USH1C: variants seen among roughly 807,000 people sequenced by gnomAD.
USH1C encodes the protein harmonin.
USH1C carries 90 observed loss-of-function variants against 119.3 expected under a neutral mutation model. That is an observed-to-expected ratio of 0.75 (90% CI 0.64 to 0.90). The LOEUF is 0.90. USH1C is among the 40% of genes least tolerant of loss of function. The pLI is 0.00. For missense variants in USH1C, 1,165 were observed against 1,167.7 expected (o/e 1.00, Z 0.03); for synonymous variants, 465 against 443.3 (o/e 1.05, Z -0.62).
intron 24 of USH1C, chr11:17,497,037 C>T (rs151035380): frequency 1.7e-5 from 9 of 530,156 alleles, no homozygotes; most frequent in Non-Finnish European, 2.7e-5. Context: ...CCTTGAATGA[C>T]ACTCAGCTCC....
intron 15 of USH1C, 56 bp downstream of exon 15, chr11:17,516,185 C>T: frequency 6.2e-7 from 1 of 1,603,236 alleles, no homozygotes; most frequent in African/African-American, 1.3e-5. Context: ...TTGGGAAAAG[C>T]CAAAACCCAC....
Position 17,505,850 on chromosome 11 carries a change from C to T in USH1C, c.2113G>A (p.Ala705Thr). The change falls in exon 19 of 27, where the codon GCT (alanine) becomes ACT (threonine). Residue 705 changes from alanine (A) to threonine (T), a missense_variant. Ala to Thr is a moderately conservative substitution (Grantham distance 58). Transcript: ENST00000005226. ...HQEPNFIYRP[A>T]VKSEVLPQEM... ...CTTACCAGAACTTCAGATTTCACAG[C>T]TGGCCTGTAGATGAAATTGGGCTCC... 6.2e-7 allele frequency: 1 copy of T among 1,614,154 alleles called. No homozygotes were observed.
chr11:17,511,976 G>C lies in USH1C; in HGVS notation c.1339C>G (p.Gln447Glu), dbSNP rs150152682. 3 of 1,614,068 alleles carry C rather than the reference G, an allele frequency of 1.9e-6. No homozygotes were observed. The African/African-American group carries it at 4.0e-5, about 22-fold the overall frequency. The part of the protein sequence containing the change: ...RKNKKELEFE[Q>E]KLYKEKEEML... ...TCCTCTTTCTCTTTGTAAAGCTTTT[G>C]CTCAAACTCCAGTTCTTTCTTATTC... The change falls in exon 16 of 27, where the codon CAA (glutamine) becomes GAA (glutamate). Residue 447 changes from glutamine (Q) to glutamate (E), a missense_variant. By Grantham distance (29) the Gln-to-Glu change is conservative. Coordinates refer to ENST00000005226, the MANE Select transcript of USH1C (RefSeq NM_153676.4).
intron 1 of USH1C, chr11:17,533,786 A>G: frequency 2.2e-6 from 1 of 457,678 alleles, no homozygotes. Flanking sequence ...TAGATAGCAC[A>G]TGCCACTCTC....
Position 17,494,280 on chromosome 11 carries a change from A to T in USH1C, c.*52T>A, listed in dbSNP as rs912678003. On this transcript the variant is annotated 3_prime_UTR_variant, in exon 27 of 27. Coordinates refer to ENST00000005226, the MANE Select transcript of USH1C (RefSeq NM_153676.4). Reference sequence around the variant, plus strand: ...GGTGTGTGTAGTGTGGCCTCTCTCAAGGCTGATCCGAGGCTTTGTGTTCAC... The same window carrying T: ...GGTGTGTGTAGTGTGGCCTCTCTCATGGCTGATCCGAGGCTTTGTGTTCAC... The T allele has an allele frequency of 2.5e-6, 4 of 1,587,026 alleles. No homozygotes were observed. Among genetic ancestry groups the T allele is most frequent in the African/African-American group, 1.3e-5 (1 of 74,392 alleles).
Position 17,501,493 on chromosome 11 carries a change from G to A in USH1C, c.2269C>T (p.Arg757Cys), listed in dbSNP as rs757163581. The stretch of plus-strand genomic sequence containing the variant: ...ACATGCCCAGGTACCTTCTTGATGC[G>A]TAGGAGCCGGACATCCTTCCCCATG... ...QIMGKDVRLL[R>C]IKKEGSLDLA... Residue 757 changes from arginine (R) to cysteine (C), a missense_variant, in exon 22 of 27, where the codon CGC becomes TGC. By Grantham distance (180) the Arg-to-Cys change is radical. Transcript: ENST00000005226. The A allele has an allele frequency of 4.5e-5, 73 of 1,612,958 alleles. No homozygotes were observed. Among genetic ancestry groups the A allele is most frequent in the Admixed American group, 1.0e-4 (6 of 59,876 alleles).
chr11:17,517,832 G>A (rs1458958515), intron 14 of USH1C, among the ~76,000 whole-genome samples: 1 of 152,216 alleles, frequency 6.6e-6, no homozygotes, highest in East Asian at 1.9e-4. Context: ...TTGAGGGCAA[G>A]GGGCTGCAAT....
chr11:17,497,487 C>T (rs1294258866), intron 24 of USH1C, among the ~76,000 whole-genome samples: 9 of 152,178 alleles, frequency 5.9e-5, no homozygotes, highest in African/African-American at 2.2e-4. Context: ...TAATGCAGAC[C>T]TTCAGATAAT....
Position 17,539,501 on chromosome 11 carries a change from T to C in USH1C, c.36+4771A>G, listed in dbSNP as rs1851366644. Among the ~76,000 whole-genome samples the C allele has an allele frequency of 2.6e-5, 4 of 152,238 alleles. No individual in the cohort carries two copies. In the South Asian group the frequency reaches 8.3e-4, roughly 32 times the overall value. Reference sequence around the variant, plus strand: ...TATTAATTTAATGAGTTAATAATTATGAAGAGTTCAGAACAGTGCCTGGCA... The same window carrying C: ...TATTAATTTAATGAGTTAATAATTACGAAGAGTTCAGAACAGTGCCTGGCA... On this transcript the variant is annotated intron_variant, in intron 1 of 26. Coordinates refer to ENST00000005226, the MANE Select transcript of USH1C (RefSeq NM_153676.4).
intron 18 of USH1C, among the ~76,000 whole-genome samples, chr11:17,506,675 T>TGCA (rs1849662902): frequency 6.6e-6 from 1 of 152,156 alleles, no homozygotes; most frequent in African/African-American, 2.4e-5. Context: ...CTTGAGGCCT[T>TGCA]TGCACGTGCT....
intron 18 of USH1C, among the ~76,000 whole-genome samples, chr11:17,506,889 A>C (rs1487984016): frequency 6.6e-6 from 1 of 152,076 alleles, no homozygotes; most frequent in East Asian, 1.9e-4. Context: ...GCAGCTGTCT[A>C]TCCAGCAGGG....
chr11:17,501,618 C>T lies in USH1C; in HGVS notation c.2227-83G>A, dbSNP rs1424529042. ...TAGGGCTGGAAGGGGAATCCAGGCA[C>T]CTATGGGACACTGGGCCCCACAGAG... is the stretch of plus-strand genomic sequence containing the variant. On this transcript the variant is annotated intron_variant, in intron 21 of 26. Transcript: ENST00000005226. 6.2e-6 allele frequency: 9 copies of T among 1,461,714 alleles called. No homozygotes were observed. In the South Asian group the frequency reaches 1.1e-4, roughly 18 times the overall value. The allele number at this position is 1,461,714 out of a possible 1,614,324, so 90.5% of individuals were successfully genotyped here.
At chr11:17,521,515 G>GAGAAAAATTGGATTTTTTCTTGGATTTTT in intron 12 of USH1C, 104 bp from the exon 13 acceptor site, 3 of 1,229,662 alleles carry the variant, frequency 2.4e-6, no homozygotes, top group Admixed American at 3.5e-5. Flanking sequence ...TTTTCTCCAG[G>GAGAAAAATTGGATTTTTTCTTGGATTTTT]CTCCCTTCCT....
In USH1C at chr11:17,505,870, G is replaced by A. The variant is rs1849628100; in HGVS notation, c.2093C>T (p.Pro698Leu). The stretch of plus-strand genomic sequence containing the variant: ...CACAGCTGGCCTGTAGATGAAATTG[G>A]GCTCCTGGTGGACCATGACAGGTTT... The part of the protein sequence containing the change: ...ISKPVMVHQE[P>L]NFIYRPAVKS... The change falls in exon 19 of 27, where the codon CCC becomes CTC. Residue 698 changes from proline to leucine, a missense_variant. Coordinates refer to ENST00000005226, the MANE Select transcript of USH1C (RefSeq NM_153676.4). 1 of 1,614,212 alleles carries A rather than the reference G, an allele frequency of 6.2e-7. No homozygotes were observed. The highest frequency in any genetic ancestry group is 1.7e-5 in the Admixed American group (1 of 60,028).
chr11:17,496,791 G>T lies in USH1C; in HGVS notation c.2513C>A (p.Ala838Asp). ...QGGDWIDLVVAVCPPKEYDDE... is the reference protein window; with the variant it reads ...QGGDWIDLVVDVCPPKEYDDE... The stretch of plus-strand genomic sequence containing the variant: ...GTCATACTCCTTTGGGGGGCAGACG[G>T]CAACCACAAGGTCGATCCAGTCCTG... The change falls in exon 25 of 27, where the codon GCC (alanine) becomes GAC (aspartate). Residue 838 changes from alanine (A) to aspartate (D), a missense_variant. Coordinates refer to ENST00000005226, the MANE Select transcript of USH1C (RefSeq NM_153676.4). 6.2e-7 allele frequency: 1 copy of T among 1,614,186 alleles called. No homozygotes were observed. Among genetic ancestry groups the T allele is most frequent in the Non-Finnish European group, 8.5e-7 (1 of 1,180,008 alleles).
At chr11:17,524,780 C>G (rs1168895757) in intron 8 of USH1C, among the ~76,000 whole-genome samples, 1 of 152,230 alleles carries the variant, frequency 6.6e-6, no homozygotes, top group African/African-American at 2.4e-5. Flanking sequence ...CTTTCTAGCA[C>G]TTTCCTGTCC....
rs1851606530 is a variant in USH1C at position 17,544,294 on chromosome 11, A to C, written c.14T>G (p.Val5Gly). The C allele has an allele frequency of 6.2e-7, 1 of 1,614,024 alleles. No individual in the cohort carries two copies. Among genetic ancestry groups the C allele is most frequent in the Non-Finnish European group, 8.5e-7 (1 of 1,179,984 alleles). ...GACCTTATGCCGGAATTCTCGGGCC[A>C]CTTTTCGGTCCATGGCTGGGCCAGG... MDRK[V>G]AREFRHKVDF... The change falls in exon 1 of 27, where the codon GTG (valine) becomes GGG (glycine). Residue 5 changes from valine to glycine, a missense_variant. By Grantham distance (109) the Val-to-Gly change is moderately radical (BLOSUM62 -3). Coordinates refer to ENST00000005226, the MANE Select transcript of USH1C (RefSeq NM_153676.4).
chr11:17,519,673 T>C (rs1384036383), intron 14 of USH1C, among the ~76,000 whole-genome samples: 1 of 152,240 alleles, frequency 6.6e-6, no homozygotes, highest in Admixed American at 6.5e-5. Context: ...TATCCTCAAC[T>C]GATACTGAAT....
At position 17,509,506 on chromosome 11, in the gene USH1C, T is replaced by G. The variant is rs1591977997; in HGVS notation, c.1863A>C (p.Pro621=). 7.2e-6 allele frequency: 8 copies of G among 1,110,192 alleles called. No individual in the cohort carries two copies. The highest frequency in any genetic ancestry group is 3.1e-5 in the African/African-American group (1 of 32,670). The allele number at this position is 1,110,192 out of a possible 1,614,324, so 68.8% of individuals were successfully genotyped here. A position where few individuals can be genotyped will look rare whatever the true frequency, so the allele number is the denominator to read the frequency against. ...VPTQDLTPTR[P]LPSALEEALS... Reference sequence around the variant, plus strand: ...GTGCTTCTTCCAGCGCCGAGGGCAGTGGGCGGGTGGGAGTGAGGTCTTGGG... The same window carrying G: ...GTGCTTCTTCCAGCGCCGAGGGCAGGGGGCGGGTGGGAGTGAGGTCTTGGG... The change falls in exon 18 of 27, where the codon CCA becomes CCC. Residue 621 remains proline, a synonymous_variant. Coordinates refer to ENST00000005226, the MANE Select transcript of USH1C (RefSeq NM_153676.4).
Sources: gnomAD v4.1 joint callset for allele counts (sites outside exome capture counted in the v4.1 genomes callset) on GRCh38, gnomAD v4.1.1 for gene constraint, MANE v1.5 for transcripts, NCBI Gene and HGNC (gene_info 2026-07-23, HGNC 2026-07-21) for gene names.